FAM184B: variants seen among roughly 807,000 people sequenced by gnomAD.
The protein encoded by FAM184B is family with sequence similarity 184 member B.
A neutral mutation model predicts 135.9 loss-of-function variants in FAM184B; 111 were observed. That is an observed-to-expected ratio of 0.82 (90% CI 0.70 to 0.96). The LOEUF (loss-of-function observed/expected upper bound fraction) is 0.96. Among genes scored for constraint, FAM184B ranks in the 40% least tolerant of loss-of-function variants. The probability of loss-of-function intolerance (pLI) is 0.00; values close to 1 mark genes in which losing one functional copy is unlikely to be tolerated. For synonymous variants in FAM184B, 552 were observed against 524.8 expected, an observed-to-expected ratio of 1.05 and a Z score of -0.71; for missense variants, 1,375 against 1,323.9, an observed-to-expected ratio of 1.04 and a Z score of -0.60.
Position 17,753,350 on chromosome 4 carries a change from T to G in FAM184B, c.141+27809A>C, listed in dbSNP as rs145442679. On this transcript the variant is annotated intron_variant, in intron 1 of 17. Coordinates refer to ENST00000265018, the MANE Select transcript of FAM184B (RefSeq NM_015688.2). ...GTATAAAGGAATAAGCTTGAACTTA[T>G]AAGACCAAATTTTATTAAAACAAGG... 9.4e-3 allele frequency among the ~76,000 whole-genome samples: 1,438 copies of G among 152,346 alleles called. 21 individuals are homozygous for G. The highest frequency in any genetic ancestry group is 0.032 in the African/African-American group (1,338 of 41,576).
At chr4:17,676,416 TAAG>T (rs1429956050) in intron 7 of FAM184B, among the ~76,000 whole-genome samples, 2 of 152,154 alleles carry the variant, frequency 1.3e-5, no homozygotes, top group Middle Eastern at 6.3e-3. Flanking sequence ...TCAGATATAA[TAAG>T]AATAACAAAT....
chr4:17,683,157 A>C (rs998797157), intron 7 of FAM184B, among the ~76,000 whole-genome samples: 7 of 152,158 alleles, frequency 4.6e-5, no homozygotes, highest in Non-Finnish European at 8.8e-5. Flanking sequence ...TTTGAACTAC[A>C]TTACATTTTT....
intron 1 of FAM184B, among the ~76,000 whole-genome samples, chr4:17,749,488 C>G (rs1454801233): frequency 6.6e-6 from 1 of 151,840 alleles, no homozygotes; most frequent in Non-Finnish European, 1.5e-5. Flanking sequence ...GGAAACAGAT[C>G]TAAAAATTGA....
At chr4:17,634,025 CTAT>C in intron 16 of FAM184B, 137 bp from the exon 17 acceptor site, 1 of 604,900 alleles carries the variant, frequency 1.7e-6, no homozygotes, top group East Asian at 3.4e-5. Flanking sequence ...CACTTACATG[CTAT>C]TTTTTAAAGC....
intron 10 of FAM184B, 62 bp downstream of exon 10, chr4:17,658,288 G>A (rs1715826030): frequency 2.8e-6 from 4 of 1,425,560 alleles, no homozygotes; most frequent in Non-Finnish European, 3.9e-6. Context: ...ACGGCTTTGT[G>A]CATGGCAGTT....
intron 1 of FAM184B, among the ~76,000 whole-genome samples, chr4:17,750,243 C>G (rs1439208598): frequency 1.3e-5 from 2 of 152,202 alleles, no homozygotes; most frequent in Non-Finnish European, 2.9e-5. Context: ...TCACTATACT[C>G]TCACCATTAT....
chr4:17,763,768 C>G (rs1036734098), intron 1 of FAM184B, among the ~76,000 whole-genome samples: 2 of 152,126 alleles, frequency 1.3e-5, no homozygotes, highest in Non-Finnish European at 2.9e-5. Flanking sequence ...TTTGCTATTT[C>G]TAGGTCTCTG....
At chr4:17,644,263 C>A (rs1210648598) in intron 12 of FAM184B, among the ~76,000 whole-genome samples, 1 of 152,178 alleles carries the variant, frequency 6.6e-6, no homozygotes, top group Non-Finnish European at 1.5e-5. Context: ...AATACCAAAG[C>A]CTGGCAGAGA....
intron 1 of FAM184B, among the ~76,000 whole-genome samples, chr4:17,779,399 T>C (rs1718991746): frequency 6.6e-6 from 1 of 152,156 alleles, no homozygotes; most frequent in Non-Finnish European, 1.5e-5. Context: ...TACATAAGGA[T>C]CAATTGCGAT....
At chr4:17,766,712 G>C (rs1342339816) in intron 1 of FAM184B, among the ~76,000 whole-genome samples, 2 of 152,252 alleles carry the variant, frequency 1.3e-5, no homozygotes, top group Non-Finnish European at 2.9e-5. Flanking sequence ...GATTCTCCAA[G>C]TCCCTACTAG....
At chr4:17,693,235 T>C in intron 6 of FAM184B, 67 bp downstream of exon 6, 5 of 1,255,172 alleles carry the variant, frequency 4.0e-6, no homozygotes, top group Non-Finnish European at 5.6e-6. Flanking sequence ...TCTTGGCTTC[T>C]CAGTTAGGTA....
rs1426045283 is a variant in FAM184B, at chr4:17,631,667, C to T, written c.*865G>A. 6.6e-6 allele frequency: 1 copy of T among 152,138 alleles called. No individual in the cohort carries two copies. Among genetic ancestry groups the T allele is most frequent in the Non-Finnish European group, 1.5e-5 (1 of 68,036 alleles). 9.4% of individuals were successfully genotyped at this position (152,138 alleles called of 1,614,324 possible). Reference sequence around the variant, plus strand: ...AAGCCCTTTTAGAGGTGGGTGTTATCCCATCTATAATCTGCTGCTTGTCTT... The same window carrying T: ...AAGCCCTTTTAGAGGTGGGTGTTATTCCATCTATAATCTGCTGCTTGTCTT... On this transcript the variant is annotated 3_prime_UTR_variant, in exon 18 of 18. Transcript: ENST00000265018.
chr4:17,709,911 G>C (rs1717218239), intron 1 of FAM184B, among the ~76,000 whole-genome samples: 1 of 152,212 alleles, frequency 6.6e-6, no homozygotes, highest in South Asian at 2.1e-4. Flanking sequence ...GCCGAATTCC[G>C]AAGGGGACCT....
At chr4:17,771,907 T>C (rs751906929) in intron 1 of FAM184B, among the ~76,000 whole-genome samples, 14 of 152,224 alleles carry the variant, frequency 9.2e-5, no homozygotes, top group Non-Finnish European at 1.9e-4. Context: ...ACATCCCTTA[T>C]ATTGGTAAAG....
chr4:17,771,011 T>C (rs1718808414), intron 1 of FAM184B, among the ~76,000 whole-genome samples: 1 of 152,232 alleles, frequency 6.6e-6, no homozygotes, highest in Non-Finnish European at 1.5e-5. Flanking sequence ...GAAAGGTTTC[T>C]TTTTGTGCTT....
At chr4:17,681,019 AC>A (rs1716421981) in intron 7 of FAM184B, among the ~76,000 whole-genome samples, 1 of 152,250 alleles carries the variant, frequency 6.6e-6, no homozygotes, top group African/African-American at 2.4e-5. Context: ...TGTAATAGAT[AC>A]TATAAAGTCA....
chr4:17,696,457 A>G (rs546707964), intron 5 of FAM184B, among the ~76,000 whole-genome samples: 8 of 152,324 alleles, frequency 5.3e-5, no homozygotes, highest in African/African-American at 1.9e-4. Flanking sequence ...CCAGGCAGGT[A>G]AATGTGGAAG....
At chr4:17,688,681 T>C (rs1716650885) in intron 6 of FAM184B, 150 bp from the exon 7 acceptor site, 1 of 89,802 alleles carries the variant, frequency 1.1e-5, no homozygotes, top group Non-Finnish European at 2.1e-5. Context: ...TAGAAATGCC[T>C]TTTTTTTTTT....
chr4:17,731,831 G>T (rs1345707398), intron 1 of FAM184B, among the ~76,000 whole-genome samples: 2 of 151,968 alleles, frequency 1.3e-5, no homozygotes, highest in Non-Finnish European at 2.9e-5. Context: ...TGCAGCAAGT[G>T]GACCTAATAG....
Sources: allele counts gnomAD v4.1 joint callset (sites outside exome capture counted in the v4.1 genomes callset), GRCh38; gene constraint gnomAD v4.1.1; transcripts MANE v1.5; gene names NCBI Gene and HGNC (gene_info 2026-07-23, HGNC 2026-07-21).